The following RBMS3 variants were observed in gnomAD, a reference collection of about 807,000 sequenced individuals.
RBMS3 encodes RNA binding motif single stranded interacting protein 3.
RBMS3 carries 27 observed loss-of-function variants against 66.8 expected under a neutral mutation model. The observed-to-expected ratio is 0.40, with a 90% CI of 0.30 to 0.56. The LOEUF (loss-of-function observed/expected upper bound fraction) is 0.56. RBMS3 is among the 20% of genes least tolerant of loss of function. The pLI, the probability that RBMS3 is intolerant of heterozygous loss-of-function variation, is 0.40. For synonymous variants in RBMS3, 188 were observed against 183.0 expected (o/e 1.03, Z -0.22); for missense variants, 513 against 549.5 (o/e 0.93, Z 0.66).
chr3:29,682,843 G>T (rs2051556392), intron 4 of RBMS3, among the ~76,000 whole-genome samples: 1 of 152,174 alleles, frequency 6.6e-6, no homozygotes, highest in Non-Finnish European at 1.5e-5. Context: ...AGATAGATTG[G>T]CAGAAACTAG....
intron 4 of RBMS3, among the ~76,000 whole-genome samples, chr3:29,625,431 C>T (rs766766187): frequency 5.3e-5 from 8 of 152,062 alleles, no homozygotes; most frequent in South Asian, 2.1e-4. Flanking sequence ...CAGTGGATCA[C>T]GCCTGTAATC....
chr3:29,328,664 T>G (rs2035478458), intron 1 of RBMS3, among the ~76,000 whole-genome samples: 1 of 152,216 alleles, frequency 6.6e-6, no homozygotes, highest in Non-Finnish European at 1.5e-5. Context: ...TTATTTTTCC[T>G]TCTAATGAGA....
intron 1 of RBMS3, among the ~76,000 whole-genome samples, chr3:29,330,485 C>T (rs1404518307): frequency 6.6e-6 from 1 of 151,684 alleles, no homozygotes; most frequent in Non-Finnish European, 1.5e-5. Flanking sequence ...AAATACATAG[C>T]TCATCCCCTT....
chr3:29,724,613 A>G lies in RBMS3; in HGVS notation c.400-15107A>G, dbSNP rs529632640. Reference sequence around the variant, plus strand: ...TTTATTAAAATGGAAGTATATAGTTATACAGTCAATCCAAATTGATGTTTG... The same window carrying G: ...TTTATTAAAATGGAAGTATATAGTTGTACAGTCAATCCAAATTGATGTTTG... On this transcript the variant is annotated intron_variant, in intron 4 of 14. Transcript: ENST00000383767. Among the ~76,000 whole-genome samples, 6 of 152,302 alleles carry G rather than the reference A, an allele frequency of 3.9e-5. No homozygotes were observed. In the East Asian group the frequency reaches 1.2e-3, roughly 29 times the overall value.
chr3:29,617,057 A>C (rs1234423163), intron 4 of RBMS3: 6 of 152,210 alleles, frequency 3.9e-5, no homozygotes, highest in Non-Finnish European at 2.9e-5. Context: ...GAATGAAAAG[A>C]TGGATAGATG....
intron 2 of RBMS3, among the ~76,000 whole-genome samples, chr3:29,441,793 A>T (rs1474463255): frequency 1.3e-5 from 2 of 152,168 alleles, no homozygotes; most frequent in African/African-American, 4.8e-5. Flanking sequence ...AAGATTGAGA[A>T]CTTTTAGACT....
At chr3:29,635,539 T>C (rs2049443407) in intron 4 of RBMS3, among the ~76,000 whole-genome samples, 1 of 151,936 alleles carries the variant, frequency 6.6e-6, no homozygotes. Context: ...TCACCAGGAA[T>C]GCTACATCTC....
intron 6 of RBMS3, among the ~76,000 whole-genome samples, chr3:29,778,866 T>C (rs866154732): frequency 3.3e-5 from 5 of 151,906 alleles, no homozygotes; most frequent in South Asian, 2.1e-4. Flanking sequence ...TGTACTGCTA[T>C]GTCATAGGTC....
At chr3:29,450,324 G>C (rs1453773402) in intron 2 of RBMS3, among the ~76,000 whole-genome samples, 1 of 152,128 alleles carries the variant, frequency 6.6e-6, no homozygotes, top group Non-Finnish European at 1.5e-5. Context: ...TCCATGGTCT[G>C]GCAAGTCCTT....
intron 4 of RBMS3, among the ~76,000 whole-genome samples, chr3:29,690,349 T>C (rs2051945030): frequency 6.6e-6 from 1 of 151,740 alleles, no homozygotes; most frequent in African/African-American, 2.4e-5. Flanking sequence ...ACTTGGGAAG[T>C]TGAAGAAGGA....
intron 1 of RBMS3, among the ~76,000 whole-genome samples, chr3:29,360,838 A>G (rs1244794719): frequency 1.3e-5 from 2 of 151,844 alleles, no homozygotes; most frequent in African/African-American, 2.4e-5. Flanking sequence ...TGTTTGTTTA[A>G]AGTGTGTTTC....
At chr3:29,887,731 T>C (rs974998643) in intron 8 of RBMS3, among the ~76,000 whole-genome samples, 1 of 151,634 alleles carries the variant, frequency 6.6e-6, no homozygotes, top group African/African-American at 2.4e-5. Context: ...AAACTAAGAC[T>C]CATTAAGACA....
chr3:29,752,144 G>T (rs1157690553), intron 5 of RBMS3, among the ~76,000 whole-genome samples: 1 of 152,142 alleles, frequency 6.6e-6, no homozygotes, highest in African/African-American at 2.4e-5. Context: ...GTTCTCAGCA[G>T]GAAGGGGAGC....
chr3:29,539,501 C>T (rs144673877), intron 3 of RBMS3, among the ~76,000 whole-genome samples: 130 of 152,278 alleles, frequency 8.5e-4, no homozygotes, highest in African/African-American at 3.0e-3. Flanking sequence ...TACCTCCCTC[C>T]AGCTTATTAC....
chr3:29,875,770 C>T (rs559630139), intron 7 of RBMS3, among the ~76,000 whole-genome samples: 1 of 151,984 alleles, frequency 6.6e-6, no homozygotes, highest in Admixed American at 6.6e-5. Context: ...TTATATTATA[C>T]TTTTCTTCTG....
At chr3:29,935,661 T>C (rs560233519) in intron 10 of RBMS3, among the ~76,000 whole-genome samples, 10 of 152,142 alleles carry the variant, frequency 6.6e-5, no homozygotes, top group Admixed American at 3.9e-4. Flanking sequence ...CTAAGAATTA[T>C]GTATGTATTA....
At chr3:29,308,513 G>T (rs1446891549) in intron 1 of RBMS3, among the ~76,000 whole-genome samples, 1 of 151,620 alleles carries the variant, frequency 6.6e-6, no homozygotes, top group East Asian at 1.9e-4. Flanking sequence ...ATGTGATGCA[G>T]AATATGGTTA....
At chr3:29,357,140 C>G (rs1219111132) in intron 1 of RBMS3, among the ~76,000 whole-genome samples, 1 of 152,042 alleles carries the variant, frequency 6.6e-6, no homozygotes, top group East Asian at 1.9e-4. Flanking sequence ...TGTTGGTGTG[C>G]TGCACCCATT....
chr3:29,834,482 G>A (rs1017271090), intron 6 of RBMS3, among the ~76,000 whole-genome samples: 2 of 151,920 alleles, frequency 1.3e-5, no homozygotes, highest in Admixed American at 1.3e-4. Context: ...ATTTGTGTAT[G>A]CAATTGTAAC....
Sources: gnomAD v4.1 joint callset for allele counts (sites outside exome capture counted in the v4.1 genomes callset) on GRCh38, gnomAD v4.1.1 for gene constraint, MANE v1.5 for transcripts, NCBI Gene and HGNC (gene_info 2026-07-23, HGNC 2026-07-21) for gene names.